The following LRRC4C variants were observed in gnomAD, a reference collection of about 807,000 sequenced individuals.
The protein encoded by LRRC4C is leucine rich repeat containing 4C.
LRRC4C carries 5 observed loss-of-function variants against 33.6 expected under a neutral mutation model. The observed-to-expected ratio is 0.15, with a 90% CI of 0.08 to 0.31. The LOEUF (loss-of-function observed/expected upper bound fraction) is 0.31. Ranked by LOEUF, LRRC4C falls within the 10% of genes least tolerant of loss-of-function variation. The pLI is 1.00. For missense variants in LRRC4C, 560 were observed against 796.7 expected (o/e 0.70, Z 3.58); for synonymous variants, 329 against 302.0 (o/e 1.09, Z -0.93).
intron 1 of LRRC4C, among the ~76,000 whole-genome samples, chr11:41,012,801 C>T (rs1018943888): frequency 6.6e-6 from 1 of 152,032 alleles, no homozygotes; most frequent in African/African-American, 2.4e-5. Flanking sequence ...GAGATGATAT[C>T]TCTTTGTGGT....
At chr11:40,198,740 CT>C (rs1429163782) in intron 5 of LRRC4C, among the ~76,000 whole-genome samples, 1 of 152,178 alleles carries the variant, frequency 6.6e-6, no homozygotes, top group African/African-American at 2.4e-5. Context: ...ATTCAGCAAG[CT>C]TTCTAAATGG....
At chr11:40,123,529 T>C (rs1855983244) in intron 6 of LRRC4C, among the ~76,000 whole-genome samples, 1 of 151,998 alleles carries the variant, frequency 6.6e-6, no homozygotes, top group African/African-American at 2.4e-5. Context: ...AGGAATTAAA[T>C]AACTGAAAGA....
At chr11:40,352,766 T>C (rs1050772571) in intron 3 of LRRC4C, among the ~76,000 whole-genome samples, 1 of 150,262 alleles carries the variant, frequency 6.7e-6, no homozygotes, top group Non-Finnish European at 1.5e-5. Flanking sequence ...AGGATAGTTT[T>C]GGTGTTGATA....
At chr11:40,363,163 C>T (rs1303611998) in intron 3 of LRRC4C, among the ~76,000 whole-genome samples, 2 of 152,070 alleles carry the variant, frequency 1.3e-5, no homozygotes, top group Admixed American at 1.3e-4. Flanking sequence ...TCCTAAATGC[C>T]CATCAAGGAT....
At chr11:40,204,305 G>A (rs1267523870) in intron 5 of LRRC4C, among the ~76,000 whole-genome samples, 2 of 152,028 alleles carry the variant, frequency 1.3e-5, no homozygotes, top group African/African-American at 4.8e-5. Flanking sequence ...TCCCTCCTAC[G>A]TGCTTGACCC....
chr11:40,595,022 A>C (rs1281460927), intron 3 of LRRC4C, among the ~76,000 whole-genome samples: 2 of 152,100 alleles, frequency 1.3e-5, no homozygotes, highest in Non-Finnish European at 2.9e-5. Flanking sequence ...TAAATATTGA[A>C]TAGTTTTTTT....
At chr11:40,749,036 T>C (rs1339272879) in intron 2 of LRRC4C, among the ~76,000 whole-genome samples, 4 of 152,034 alleles carry the variant, frequency 2.6e-5, no homozygotes, top group African/African-American at 9.7e-5. Flanking sequence ...ATGGAATGAT[T>C]GTAGGAGATT....
At chr11:40,475,450 A>T (rs1374452491) in intron 3 of LRRC4C, among the ~76,000 whole-genome samples, 1 of 152,058 alleles carries the variant, frequency 6.6e-6, no homozygotes, top group Non-Finnish European at 1.5e-5. Flanking sequence ...GGGGCCTGTC[A>T]GTGAGTGGGG....
At chr11:40,734,419 G>C (rs994890218) in intron 2 of LRRC4C, among the ~76,000 whole-genome samples, 1 of 151,946 alleles carries the variant, frequency 6.6e-6, no homozygotes, top group African/African-American at 2.4e-5. Flanking sequence ...AACCAAACCC[G>C]ATCCAGAGAC....
At chr11:41,209,135 C>T (rs1267633428) in intron 1 of LRRC4C, among the ~76,000 whole-genome samples, 1 of 151,168 alleles carries the variant, frequency 6.6e-6, no homozygotes, top group Non-Finnish European at 1.5e-5. Flanking sequence ...AATCTGTACA[C>T]TAAACCGCTG....
intron 3 of LRRC4C, among the ~76,000 whole-genome samples, chr11:40,525,695 A>G (rs1329231747): frequency 6.6e-6 from 1 of 152,000 alleles, no homozygotes; most frequent in Non-Finnish European, 1.5e-5. Context: ...TTATGCAGTC[A>G]ATAAAAATCC....
At chr11:40,567,575 T>C (rs1342545437) in intron 3 of LRRC4C, among the ~76,000 whole-genome samples, 1 of 152,190 alleles carries the variant, frequency 6.6e-6, no homozygotes, top group East Asian at 1.9e-4. Context: ...GCTCATGCTT[T>C]TTCCATAAAC....
intron 3 of LRRC4C, among the ~76,000 whole-genome samples, chr11:40,594,077 A>G (rs1056448981): frequency 6.6e-6 from 1 of 152,142 alleles, no homozygotes; most frequent in Non-Finnish European, 1.5e-5. Flanking sequence ...TTTGTTTTCA[A>G]ACAAAGCCTC....
chr11:40,620,152 C>T (rs1219945048), intron 3 of LRRC4C, among the ~76,000 whole-genome samples: 1 of 150,466 alleles, frequency 6.6e-6, no homozygotes, highest in Non-Finnish European at 1.5e-5. Flanking sequence ...ATATAGTCTT[C>T]TAATCCCTGG....
intron 5 of LRRC4C, among the ~76,000 whole-genome samples, chr11:40,161,758 GA>G (rs904460474): frequency 6.6e-6 from 1 of 151,870 alleles, no homozygotes; most frequent in African/African-American, 2.4e-5. Context: ...CTCCTTCTCC[GA>G]AAAAAATTAA....
intron 2 of LRRC4C, among the ~76,000 whole-genome samples, chr11:40,732,549 C>T (rs1198063008): frequency 2.0e-5 from 3 of 152,092 alleles, no homozygotes; most frequent in East Asian, 1.9e-4. Context: ...GATTACACAT[C>T]CCTAGAAGGC....
intron 4 of LRRC4C, among the ~76,000 whole-genome samples, chr11:40,258,267 G>A (rs1221336405): frequency 6.6e-6 from 1 of 152,084 alleles, no homozygotes. Context: ...ATGTGCCTCA[G>A]CCATAATTAG....
intron 5 of LRRC4C, among the ~76,000 whole-genome samples, chr11:40,158,036 G>A (rs1014912242): frequency 6.6e-6 from 1 of 152,096 alleles, no homozygotes; most frequent in Non-Finnish European, 1.5e-5. Context: ...ATCAATGAGT[G>A]GATAAAGAAA....
intron 1 of LRRC4C, among the ~76,000 whole-genome samples, chr11:41,311,674 G>A (rs1343394065): frequency 1.3e-5 from 2 of 152,136 alleles, no homozygotes; most frequent in African/African-American, 4.8e-5. Context: ...TCCTTGTAGA[G>A]GCAGTGATCT....
Sources: gnomAD v4.1 joint callset for allele counts (sites outside exome capture counted in the v4.1 genomes callset) on GRCh38, gnomAD v4.1.1 for gene constraint, MANE v1.5 for transcripts, NCBI Gene and HGNC (gene_info 2026-07-23, HGNC 2026-07-21) for gene names.